Variants in RSPH6A observed in about 807,000 individuals in gnomAD.
RSPH6A encodes the protein radial spoke head protein 6 homolog A.
A neutral mutation model predicts 66.1 loss-of-function variants in RSPH6A; 49 were observed. The ratio of observed to expected loss-of-function variants is 0.74; its 90% CI spans 0.59 to 0.94. The LOEUF is 0.94. RSPH6A is among the 40% of genes least tolerant of loss of function. RSPH6A has a pLI of 0.00. For synonymous variants in RSPH6A, 419 were observed against 402.4 expected (o/e 1.04, Z -0.49); for missense variants, 977 against 948.3 (o/e 1.03, Z -0.40).
At chr19:45,814,401 G>T in intron 1 of RSPH6A, 126 bp downstream of exon 1, 1 of 816,686 alleles carries the variant, frequency 1.2e-6, no homozygotes, top group South Asian at 2.9e-5. Context: ...TTCCGACTCA[G>T]CTGAATTAGA....
At chr19:45,797,046 G>A (rs756374127) in intron 5 of RSPH6A, among the ~76,000 whole-genome samples, 40 of 152,130 alleles carry the variant, frequency 2.6e-4, no homozygotes, top group Non-Finnish European at 5.3e-4. Context: ...TCCAGCCTGA[G>A]TGACAGAGTG....
rs189568396 is a variant in RSPH6A, at chr19:45,813,898, T to G, written c.650+629A>C. ...CAGGAGGGCTGGGCACGGTGGTTCATGCCTGCAATCCTAGCACTTTGGGAG... is the reference window on the plus strand; with the variant it reads ...CAGGAGGGCTGGGCACGGTGGTTCAGGCCTGCAATCCTAGCACTTTGGGAG... On this transcript the variant is annotated intron_variant, in intron 1 of 5. Coordinates refer to ENST00000221538, the MANE Select transcript of RSPH6A (RefSeq NM_030785.4). 3.9e-3 allele frequency among the ~76,000 whole-genome samples: 598 copies of G among 152,176 alleles called. 6 individuals carry two copies. The highest frequency in any genetic ancestry group is 0.014 in the African/African-American group (576 of 41,522).
chr19:45,797,597 C>A (rs1160865505), intron 5 of RSPH6A, among the ~76,000 whole-genome samples: 1 of 151,852 alleles, frequency 6.6e-6, no homozygotes, highest in African/African-American at 2.4e-5. Context: ...AAACTCCCTG[C>A]CAGGTGCGGT....
intron 5 of RSPH6A, 50 bp from the exon 6 acceptor site, chr19:45,796,156 TTGAC>T: frequency 7.2e-7 from 1 of 1,392,004 alleles, no homozygotes; most frequent in Non-Finnish European, 9.6e-7. Context: ...GGCCCCAGAC[TTGAC>T]TTTTTTTTTT....
At chr19:45,806,215 T>C (rs1021669488) in intron 2 of RSPH6A, among the ~76,000 whole-genome samples, 1 of 152,008 alleles carries the variant, frequency 6.6e-6, no homozygotes, top group African/African-American at 2.4e-5. Context: ...ACTGCCTCCA[T>C]CTATACCGTG....
intron 2 of RSPH6A, among the ~76,000 whole-genome samples, chr19:45,809,526 T>G (rs1970595129): frequency 6.6e-6 from 1 of 151,678 alleles, no homozygotes; most frequent in African/African-American, 2.4e-5. Flanking sequence ...GGTCTTGATC[T>G]CCTGACCTCG....
At position 45,800,441 on chromosome 19, in the gene RSPH6A, C is replaced by T. The variant is rs1302698761; in HGVS notation, c.1916+5G>A. The T allele has an allele frequency of 8.1e-6, 13 of 1,610,616 alleles. No homozygotes were observed. Among genetic ancestry groups the T allele is most frequent in the Non-Finnish European group, 9.3e-6 (11 of 1,178,086 alleles). On this transcript the variant is annotated splice_donor_5th_base_variant and intron_variant, in intron 5 of 5. Coordinates refer to ENST00000221538, the MANE Select transcript of RSPH6A (RefSeq NM_030785.4). ...CCTGCTGGGAGGGGCTGGGGGAAGA[C>T]CTACTTGCCACTGGCATAGGCATAG...
Position 45,815,139 on chromosome 19 carries a change from TGGGCAGGGCGCTCA to T in RSPH6A, c.24_37del (p.Glu9AlafsTer65). ...AGAAGTCCTCCGGCCCGGAGGCTGC[TGGGCAGGGCGCTCA>T]GGGTAGGGCGGCAGGTCTCCCATGG... On this transcript the variant is annotated frameshift_variant, in exon 1 of 6. Transcript: ENST00000221538. LOFTEE classifies it high-confidence loss of function. 6.2e-7 allele frequency: 1 copy of T among 1,610,588 alleles called. No homozygotes were observed. Among genetic ancestry groups the T allele is most frequent in the Non-Finnish European group, 8.5e-7 (1 of 1,179,750 alleles).
At chr19:45,812,157 T>C (rs1600480540) in intron 1 of RSPH6A, among the ~76,000 whole-genome samples, 1 of 151,746 alleles carries the variant, frequency 6.6e-6, no homozygotes, top group Admixed American at 6.6e-5. Context: ...AGTGGCTCGG[T>C]CTTGGCTCAC....
At chr19:45,797,278 G>A (rs1970418355) in intron 5 of RSPH6A, among the ~76,000 whole-genome samples, 1 of 151,264 alleles carries the variant, frequency 6.6e-6, no homozygotes, top group African/African-American at 2.4e-5. Flanking sequence ...TGCTGGGGAG[G>A]CTGAGGCAGG....
intron 1 of RSPH6A, among the ~76,000 whole-genome samples, chr19:45,814,145 TGA>T (rs1018782975): frequency 2.4e-4 from 36 of 151,732 alleles, no homozygotes; most frequent in Non-Finnish European, 8.8e-5. Context: ...GGTGACAGGG[TGA>T]GACTATGTCT....
At position 45,814,997 on chromosome 19, in the gene RSPH6A, CCT is replaced by C; in HGVS notation, c.178_179del (p.Arg60GlyfsTer18). Reference sequence around the variant, plus strand: ...AGTTCTCCTGTTGGGACAGGCTGCCCCTCTGTGACCAACCAGGGGCGTTTCGC... The same window carrying C: ...AGTTCTCCTGTTGGGACAGGCTGCCCCTGTGACCAACCAGGGGCGTTTCGC... ...AQRNAPGWSQ[R>X]GSLSQQENLL... On this transcript the variant is annotated frameshift_variant, in exon 1 of 6. Transcript: ENST00000221538. LOFTEE classifies it high-confidence loss of function. 6.2e-7 allele frequency: 1 copy of C among 1,613,866 alleles called. No homozygotes were observed. Among genetic ancestry groups the C allele is most frequent in the South Asian group, 1.1e-5 (1 of 91,082 alleles).
chr19:45,798,225 A>T (rs1970429308), intron 5 of RSPH6A, among the ~76,000 whole-genome samples: 1 of 151,776 alleles, frequency 6.6e-6, no homozygotes, highest in African/African-American at 2.4e-5. Context: ...TGGGCACGGT[A>T]GTGCATGCCT....
chr19:45,800,995 A>G (rs1043768451), intron 4 of RSPH6A, among the ~76,000 whole-genome samples: 6 of 151,858 alleles, frequency 4.0e-5, no homozygotes, highest in African/African-American at 9.7e-5. Flanking sequence ...ACAGGGTTTC[A>G]CCATGTTGGC....
chr19:45,800,797 C>CTTT (rs58407168), intron 4 of RSPH6A, among the ~76,000 whole-genome samples: 1 of 138,306 alleles, frequency 7.2e-6, no homozygotes, highest in Non-Finnish European at 1.6e-5. Context: ...CTCTCGCTCT[C>CTTT]TTTTTTTTTT....
In RSPH6A at chr19:45,815,247, C is replaced by G. The variant is rs369973531; in HGVS notation, c.-71G>C. The G allele has an allele frequency of 7.0e-7, 1 of 1,423,380 alleles. No homozygotes were observed. Among genetic ancestry groups the G allele is most frequent in the African/African-American group, 1.4e-5 (1 of 69,624 alleles). 88.2% of individuals were successfully genotyped at this position (1,423,380 alleles called of 1,614,324 possible). A position where few individuals can be genotyped will look rare whatever the true frequency, so the allele number is the denominator to read the frequency against. On this transcript the variant is annotated 5_prime_UTR_variant, in exon 1 of 6. Transcript: ENST00000221538. ...AGGAGGCCAAGCGAGAGCCACCTGT[C>G]GACACCGCCGGTTTCTGAGCACCGA...
Position 45,814,674 on chromosome 19 carries a change from C to A in RSPH6A, c.503G>T (p.Arg168Met). The change falls in exon 1 of 6, where the codon AGG becomes ATG. Residue 168 changes from arginine (R) to methionine (M), a missense_variant. Transcript: ENST00000221538. ...SEGAQHGPYI[R>M]DDPALQFLPS... ...CAAGAACTGAAGGGCAGGGTCATCC[C>A]TTATGTAAGGCCCGTGCTGGGCACC... The A allele has an allele frequency of 6.2e-7, 1 of 1,611,824 alleles. No homozygotes were observed.
At chr19:45,798,500 A>T (rs1970432056) in intron 5 of RSPH6A, among the ~76,000 whole-genome samples, 1 of 147,244 alleles carries the variant, frequency 6.8e-6, no homozygotes, top group South Asian at 2.2e-4. Context: ...TGATCACGCC[A>T]CTGCACTCCA....
intron 2 of RSPH6A, 72 bp from the exon 3 acceptor site, chr19:45,805,088 T>A: frequency 2.3e-6 from 3 of 1,332,768 alleles, no homozygotes; most frequent in South Asian, 2.7e-5. Flanking sequence ...TCTTCCAGAC[T>A]CTTCTAGAGT....
Sources: allele counts gnomAD v4.1 joint callset (sites outside exome capture counted in the v4.1 genomes callset), GRCh38; gene constraint gnomAD v4.1.1; transcripts MANE v1.5; gene names NCBI Gene and HGNC (gene_info 2026-07-23, HGNC 2026-07-21).